Variants in PLD5 observed in about 807,000 individuals in gnomAD.
The protein encoded by PLD5 is inactive phospholipase D5.
In PLD5, 36 loss-of-function variants were observed where a neutral mutation model predicts 61.1. The ratio of observed to expected loss-of-function variants is 0.59; its 90% confidence interval spans 0.45 to 0.78. The LOEUF (loss-of-function observed/expected upper bound fraction) is 0.78. Ranked by LOEUF, PLD5 falls within the 30% of genes least tolerant of loss-of-function variation. The probability of loss-of-function intolerance (pLI) is 0.00; values close to 1 mark genes in which losing one functional copy is unlikely to be tolerated. For missense variants in PLD5, 515 were observed against 644.4 expected (o/e 0.80, Z 2.17); for synonymous variants, 243 against 242.8 (o/e 1.00, Z -0.01).
intron 9 of PLD5, among the ~76,000 whole-genome samples, chr1:242,098,472 C>G (rs1269758193): frequency 6.6e-6 from 1 of 152,058 alleles, no homozygotes; most frequent in East Asian, 1.9e-4. Context: ...AATCTTTTTT[C>G]AAGGTTTTTA....
chr1:242,237,376 C>T (rs558027468), intron 4 of PLD5, among the ~76,000 whole-genome samples: 12 of 152,056 alleles, frequency 7.9e-5, no homozygotes, highest in Non-Finnish European at 1.8e-4. Context: ...GGTGCCAGTT[C>T]TCAACGTCTT....
intron 6 of PLD5, among the ~76,000 whole-genome samples, chr1:242,119,299 AAATAT>A (rs1294284521): frequency 6.6e-6 from 1 of 152,200 alleles, no homozygotes; most frequent in Non-Finnish European, 1.5e-5. Context: ...ATATATGTTC[AAATAT>A]AATTAAATAT....
At chr1:242,300,642 G>T (rs1675981745) in intron 2 of PLD5, among the ~76,000 whole-genome samples, 1 of 151,666 alleles carries the variant, frequency 6.6e-6, no homozygotes, top group Admixed American at 6.6e-5. Flanking sequence ...TGAGGTTGTG[G>T]TTTATACTGT....
At position 242,100,654 on chromosome 1, in the gene PLD5, G is replaced by A; in HGVS notation, c.1354+14C>T. On this transcript the variant is annotated intron_variant, in intron 9 of 9. Transcript: ENST00000536534. ...TGACCCCCACCCAAGGAGCTTCACA[G>A]CCCTGACACCTACCAATATAAGCTG... 1 of 1,602,748 alleles carries A rather than the reference G, an allele frequency of 6.2e-7. No individual in the cohort carries two copies. Among genetic ancestry groups the A allele is most frequent in the Non-Finnish European group, 8.5e-7 (1 of 1,169,754 alleles).
intron 3 of PLD5, among the ~76,000 whole-genome samples, chr1:242,282,126 C>T (rs2149128592): frequency 6.6e-6 from 1 of 152,278 alleles, no homozygotes; most frequent in South Asian, 2.1e-4. Context: ...TAACAATATT[C>T]ACGATCATAA....
In PLD5 at chr1:242,410,932, C is replaced by T. The variant is rs998838431; in HGVS notation, c.190-62690G>A. Among the ~76,000 whole-genome samples the T allele has an allele frequency of 4.0e-5, 6 of 150,526 alleles. No homozygotes were observed. The East Asian group carries it at 1.2e-3, about 29-fold the overall frequency. Reference sequence around the variant, plus strand: ...TGTTGGACAGAATTTCATTCTGTGCCCAATGCTGATTTTTACCAATAATCG... The same window carrying T: ...TGTTGGACAGAATTTCATTCTGTGCTCAATGCTGATTTTTACCAATAATCG... On this transcript the variant is annotated intron_variant, in intron 1 of 9. Coordinates refer to ENST00000536534, the MANE Select transcript of PLD5 (RefSeq NM_001372062.1).
At chr1:242,386,903 A>G (rs982741496) in intron 1 of PLD5, among the ~76,000 whole-genome samples, 2 of 152,182 alleles carry the variant, frequency 1.3e-5, no homozygotes, top group African/African-American at 4.8e-5. Flanking sequence ...TGTCTGCAAA[A>G]TATTTTCAAA....
chr1:242,399,257 G>A (rs182326893), intron 1 of PLD5, among the ~76,000 whole-genome samples: 4 of 152,194 alleles, frequency 2.6e-5, no homozygotes, highest in South Asian at 4.1e-4. Context: ...GCTGTAATAA[G>A]TGTCACTGTA....
intron 1 of PLD5, among the ~76,000 whole-genome samples, chr1:242,398,598 A>G (rs541784811): frequency 2.0e-5 from 3 of 152,294 alleles, no homozygotes; most frequent in South Asian, 2.1e-4. Flanking sequence ...GGTTTAGTGG[A>G]AAAAAACAGA....
chr1:242,496,665 A>G (rs575948369), intron 1 of PLD5, among the ~76,000 whole-genome samples: 2 of 152,324 alleles, frequency 1.3e-5, no homozygotes, highest in African/African-American at 4.8e-5. Context: ...ACATCAGAAT[A>G]TGTATACAAT....
intron 5 of PLD5, among the ~76,000 whole-genome samples, chr1:242,167,629 C>G (rs536778084): frequency 6.6e-6 from 1 of 152,176 alleles, no homozygotes; most frequent in Non-Finnish European, 1.5e-5. Context: ...CTAACTATTT[C>G]ACATACATGA....
chr1:242,325,905 A>G (rs1173601429), intron 2 of PLD5, among the ~76,000 whole-genome samples: 1 of 151,990 alleles, frequency 6.6e-6, no homozygotes, highest in Non-Finnish European at 1.5e-5. Context: ...TATTATTCTT[A>G]GAGTTGGGGT....
At chr1:242,511,839 A>G (rs971446425) in intron 1 of PLD5, among the ~76,000 whole-genome samples, 4 of 152,222 alleles carry the variant, frequency 2.6e-5, no homozygotes, top group Non-Finnish European at 4.4e-5. Context: ...TTAACACATT[A>G]GGGGAAATGA....
chr1:242,303,352 T>C (rs974054464), intron 2 of PLD5, among the ~76,000 whole-genome samples: 1 of 152,228 alleles, frequency 6.6e-6, no homozygotes, highest in African/African-American at 2.4e-5. Context: ...CAAGATGAAA[T>C]TGAAGTTACA....
In PLD5 at chr1:242,401,226, T is replaced by C. The variant is rs181927423; in HGVS notation, c.190-52984A>G. On this transcript the variant is annotated intron_variant, in intron 1 of 9. Transcript: ENST00000536534. ...TTCCATTATTGGTCCCCATCAGCAGTACCTCCAAAACGTATTCCAAAAGTG... is the reference window on the plus strand; with the variant it reads ...TTCCATTATTGGTCCCCATCAGCAGCACCTCCAAAACGTATTCCAAAAGTG... Among the ~76,000 whole-genome samples the C allele has an allele frequency of 5.5e-4, 84 of 152,278 alleles. 2 individuals carry two copies. The highest frequency in any genetic ancestry group is 1.9e-3 in the African/African-American group (78 of 41,554).
chr1:242,282,828 G>T (rs1674789111), intron 3 of PLD5, among the ~76,000 whole-genome samples: 1 of 152,202 alleles, frequency 6.6e-6, no homozygotes, highest in East Asian at 1.9e-4. Flanking sequence ...ACATTTTAGG[G>T]TGGCAACTCA....
At chr1:242,353,360 C>A (rs1660580711) in intron 1 of PLD5, among the ~76,000 whole-genome samples, 1 of 152,156 alleles carries the variant, frequency 6.6e-6, no homozygotes, top group Non-Finnish European at 1.5e-5. Context: ...GCTCTCTCTT[C>A]TGTTCCATTG....
At chr1:242,112,315 G>GTAAGTATA (rs1558232868) in intron 7 of PLD5, among the ~76,000 whole-genome samples, 5 of 109,174 alleles carry the variant, frequency 4.6e-5, no homozygotes, top group East Asian at 2.5e-4. Context: ...GTGTGTGTGT[G>GTAAGTATA]TGTGTGTGTA....
At chr1:242,464,899 A>G (rs966014915) in intron 1 of PLD5, among the ~76,000 whole-genome samples, 7 of 152,220 alleles carry the variant, frequency 4.6e-5, no homozygotes, top group African/African-American at 1.7e-4. Context: ...GCCAGACACG[A>G]AAGGTCACAT....
Sources: allele counts gnomAD v4.1 joint callset (sites outside exome capture counted in the v4.1 genomes callset), GRCh38; gene constraint gnomAD v4.1.1; transcripts MANE v1.5; gene names NCBI Gene and HGNC (gene_info 2026-07-23, HGNC 2026-07-21).